The following SEL1L2 variants were observed in gnomAD, a reference collection of about 807,000 sequenced individuals.
SEL1L2 encodes SEL1L2 adaptor subunit of SYVN1 ubiquitin ligase.
In SEL1L2, 89 loss-of-function variants were observed where a neutral mutation model predicts 98.8. The observed-to-expected ratio is 0.90, with a 90% CI of 0.76 to 1.07. The LOEUF (loss-of-function observed/expected upper bound fraction) is 1.07. SEL1L2 is among the 50% of genes least tolerant of loss of function. The probability of loss-of-function intolerance (pLI) is 0.00; values close to 1 mark genes in which losing one functional copy is unlikely to be tolerated. For synonymous variants in SEL1L2, 262 were observed against 278.5 expected, an observed-to-expected ratio of 0.94 and a Z score of 0.59; for missense variants, 788 against 812.0, an observed-to-expected ratio of 0.97 and a Z score of 0.36.
At position 13,869,375 on chromosome 20, in the gene SEL1L2, A is replaced by T; in HGVS notation, c.1255+128T>A. The T allele has an allele frequency of 7.2e-6, 5 of 693,320 alleles. No individual in the cohort carries two copies. In the Admixed American group the frequency reaches 7.8e-5, roughly 11 times the overall value. The allele number at this position is 693,320 out of a possible 1,614,324, so 42.9% of individuals were successfully genotyped here. A position where few individuals can be genotyped will look rare whatever the true frequency, so the allele number is the denominator to read the frequency against. ...TTTCTTTAGGCTTTTTCAAATTCTT[A>T]TTTAATTTGTTGCCTAAATGTTCTG... On this transcript the variant is annotated intron_variant, in intron 14 of 19. Transcript: ENST00000284951.
chr20:13,902,580 G>C (rs2047730110), intron 5 of SEL1L2, among the ~76,000 whole-genome samples: 1 of 152,022 alleles, frequency 6.6e-6, no homozygotes, highest in Non-Finnish European at 1.5e-5. Context: ...TCCATCCCTT[G>C]GTCATGACTC....
At chr20:13,916,666 T>TGTG (rs1309991282) in intron 4 of SEL1L2, among the ~76,000 whole-genome samples, 1 of 151,712 alleles carries the variant, frequency 6.6e-6, no homozygotes, top group East Asian at 1.9e-4. Context: ...ATTAGCCGGG[T>TGTG]GTGGTGGTGG....
At chr20:13,934,638 G>C (rs1000269364) in intron 2 of SEL1L2, among the ~76,000 whole-genome samples, 11 of 150,030 alleles carry the variant, frequency 7.3e-5, no homozygotes, top group Middle Eastern at 3.4e-3. Flanking sequence ...CCAGTAGTGG[G>C]GTTGCTGAAT....
At chr20:13,963,082 GGAA>G (rs1413115665) in intron 1 of SEL1L2, among the ~76,000 whole-genome samples, 2 of 117,142 alleles carry the variant, frequency 1.7e-5, no homozygotes, top group African/African-American at 2.9e-5. Context: ...AAAAAGAAGA[GGAA>G]GAAGAAGAAG....
At chr20:13,866,906 A>AT (rs1362975631) in intron 14 of SEL1L2, 56 bp from the exon 15 acceptor site, 1 of 1,499,414 alleles carries the variant, frequency 6.7e-7, no homozygotes, top group African/African-American at 1.4e-5. Context: ...TTTATATTAT[A>AT]ATCTATGGAT....
intron 2 of SEL1L2, among the ~76,000 whole-genome samples, chr20:13,947,025 T>C (rs2050044143): frequency 6.6e-6 from 1 of 151,834 alleles, no homozygotes; most frequent in African/African-American, 2.4e-5. Context: ...ATGGATGACA[T>C]GTAGATGGCA....
chr20:13,896,425 A>C (rs536095608), intron 5 of SEL1L2, among the ~76,000 whole-genome samples: 13 of 151,598 alleles, frequency 8.6e-5, no homozygotes, highest in Non-Finnish European at 1.6e-4. Context: ...AGCTGAGATC[A>C]CTCCATTGCA....
chr20:13,887,683 G>A, intron 8 of SEL1L2, 86 bp downstream of exon 8: 1 of 845,632 alleles, frequency 1.2e-6, no homozygotes, highest in Admixed American at 2.1e-5. Context: ...ATTTTCATAA[G>A]TTTATATCAA....
At chr20:13,948,475 T>G (rs1271205931) in intron 2 of SEL1L2, among the ~76,000 whole-genome samples, 3 of 152,170 alleles carry the variant, frequency 2.0e-5, no homozygotes, top group African/African-American at 7.2e-5. Flanking sequence ...TCAAATGATA[T>G]TAAAGAGTGC....
At chr20:13,935,787 G>T (rs1020245481) in intron 2 of SEL1L2, among the ~76,000 whole-genome samples, 1 of 152,202 alleles carries the variant, frequency 6.6e-6, no homozygotes, top group African/African-American at 2.4e-5. Context: ...TCTGGCTCAT[G>T]TGTGGAGAAT....
intron 1 of SEL1L2, among the ~76,000 whole-genome samples, chr20:13,963,391 CAAAAAAAAAAAAAAAAA>C (rs67070339): frequency 2.1e-5 from 1 of 48,168 alleles, no homozygotes; most frequent in Non-Finnish European, 3.7e-5. Context: ...TCTGGAGCAG[CAAAAAAAAAAAAAAAAA>C]AAAAAAAAAA....
intron 1 of SEL1L2, among the ~76,000 whole-genome samples, chr20:13,966,835 A>C (rs1273891275): frequency 6.6e-6 from 1 of 151,774 alleles, no homozygotes; most frequent in Non-Finnish European, 1.5e-5. Flanking sequence ...CACTTTAATA[A>C]CAAATGTAAG....
rs1182528286 is a variant in SEL1L2 at position 13,869,522 on chromosome 20, C to G, written c.1236G>C (p.Gln412His). Residue 412 changes from glutamine (Q) to histidine (H), a missense_variant, in exon 14 of 20, where the codon CAG becomes CAC. Coordinates refer to ENST00000284951, the MANE Select transcript of SEL1L2 (RefSeq NM_025229.2). Reference protein sequence around the residue: ...AEKGWPDAQFQLGFMYYSGSG... With the variant: ...AEKGWPDAQFHLGFMYYSGSG... ...ACTTACAGTAGTACATGAAGCCTAA[C>G]TGGAACTGTGCGTCGGGCCACCCTT... 3 of 1,613,940 alleles carry G rather than the reference C, an allele frequency of 1.9e-6. No homozygotes were observed. Among genetic ancestry groups the G allele is most frequent in the Non-Finnish European group, 2.5e-6 (3 of 1,179,924 alleles).
intron 3 of SEL1L2, among the ~76,000 whole-genome samples, chr20:13,926,134 C>CAT (rs1555885753): frequency 1.1e-4 from 17 of 152,184 alleles, no homozygotes; most frequent in South Asian, 8.3e-4. Flanking sequence ...CTGGCTAGTA[C>CAT]GGTGAAACCG....
chr20:13,875,080 G>A (rs974157451), intron 12 of SEL1L2, among the ~76,000 whole-genome samples: 4 of 152,128 alleles, frequency 2.6e-5, no homozygotes, highest in Admixed American at 6.6e-5. Context: ...CATTTCGATC[G>A]TCCCTCATAC....
chr20:13,905,137 C>T (rs1200699867), intron 5 of SEL1L2, among the ~76,000 whole-genome samples: 1 of 152,130 alleles, frequency 6.6e-6, no homozygotes, highest in East Asian at 1.9e-4. Flanking sequence ...CTTCCACTCT[C>T]TTTAGCAGAA....
At chr20:13,924,092 G>C (rs1283286513) in intron 3 of SEL1L2, among the ~76,000 whole-genome samples, 1 of 152,068 alleles carries the variant, frequency 6.6e-6, no homozygotes, top group Non-Finnish European at 1.5e-5. Context: ...ACTTTACCTT[G>C]AAGTCTATTT....
intron 17 of SEL1L2, among the ~76,000 whole-genome samples, chr20:13,860,781 A>G (rs569360624): frequency 1.3e-5 from 2 of 151,884 alleles, no homozygotes; most frequent in Non-Finnish European, 2.9e-5. Flanking sequence ...TTCTAAATTT[A>G]TATCTACTAT....
intron 2 of SEL1L2, among the ~76,000 whole-genome samples, chr20:13,953,512 G>A (rs143545769): frequency 1.3e-5 from 2 of 152,152 alleles, no homozygotes; most frequent in African/African-American, 4.8e-5. Flanking sequence ...TTCTGCAGAG[G>A]GGGGAATGAG....
Sources: gnomAD v4.1 joint callset for allele counts (sites outside exome capture counted in the v4.1 genomes callset) on GRCh38, gnomAD v4.1.1 for gene constraint, MANE v1.5 for transcripts, NCBI Gene and HGNC (gene_info 2026-07-23, HGNC 2026-07-21) for gene names.